Variants in NIN observed in about 807,000 individuals in gnomAD.
NIN encodes the protein glycogen synthase kinase 3 beta-interacting protein.
A neutral mutation model predicts 257.6 loss-of-function variants in NIN; 137 were observed. That is an observed-to-expected ratio of 0.53 (90% CI 0.46 to 0.61). NIN has a LOEUF of 0.61. Among genes scored for constraint, NIN ranks in the 20% least tolerant of loss-of-function variants. The pLI is 0.00. For synonymous variants in NIN, 918 were observed against 919.8 expected (o/e 1.00, Z 0.04); for missense variants, 2,439 against 2,501.2 (o/e 0.98, Z 0.53).
At chr14:50,806,192 T>C (rs533685924) in intron 4 of NIN, 1 of 152,368 alleles carries the variant, frequency 6.6e-6, no homozygotes, top group African/African-American at 2.4e-5. Context: ...TTTCGAAACA[T>C]TCATTGAATA....
intron 30 of NIN, among the ~76,000 whole-genome samples, chr14:50,725,322 T>C (rs558059180): frequency 2.8e-4 from 42 of 152,206 alleles, no homozygotes; most frequent in African/African-American, 8.7e-4. Context: ...GTCTCTTCAG[T>C]GGATGCGCAA....
intron 7 of NIN, among the ~76,000 whole-genome samples, chr14:50,773,882 A>G (rs1303909390): frequency 6.6e-6 from 1 of 152,184 alleles, no homozygotes; most frequent in Non-Finnish European, 1.5e-5. Context: ...CCCTAGCTCC[A>G]CAGAGGAATG....
chr14:50,740,802 TAA>T (rs966118504), intron 25 of NIN, among the ~76,000 whole-genome samples: 28 of 152,246 alleles, frequency 1.8e-4, no homozygotes, highest in Non-Finnish European at 3.4e-4. Context: ...AGTTTTTTTA[TAA>T]AAAGTTTCAC....
chr14:50,741,933 A>G, intron 24 of NIN: 1 of 502,560 alleles, frequency 2.0e-6, no homozygotes, highest in Non-Finnish European at 3.5e-6. Flanking sequence ...ACAATGATGA[A>G]CTATGTCTGG....
At chr14:50,825,650 A>G (rs908297673) in intron 2 of NIN, among the ~76,000 whole-genome samples, 2 of 152,238 alleles carry the variant, frequency 1.3e-5, no homozygotes, top group Non-Finnish European at 2.9e-5. Flanking sequence ...TTTGCACTCT[A>G]GTGTGACACT....
intron 10 of NIN, 38 bp downstream of exon 10, chr14:50,771,294 A>G: frequency 6.2e-7 from 1 of 1,606,422 alleles, no homozygotes; most frequent in Non-Finnish European, 8.5e-7. Flanking sequence ...GACAAGTAGG[A>G]AAGGGAATGG....
Position 50,738,304 on chromosome 14 carries a change from A to G in NIN, c.5629-18T>C, listed in dbSNP as rs377699120. On this transcript the variant is annotated intron_variant, in intron 26 of 30. Transcript: ENST00000530997. ...TGACGGACCTAACAGGAACAAATGT[A>G]AGAGGAAAAAATGCTAATACAATCA... is the stretch of plus-strand genomic sequence containing the variant. 887 of 1,606,414 alleles carry G rather than the reference A, an allele frequency of 5.5e-4. 5 individuals are homozygous for G. The South Asian group carries it at 7.0e-3, about 13-fold the overall frequency.
rs1396076184 is a variant in NIN, at chr14:50,760,098, T to G, written c.2158A>C (p.Arg720=). Residue 720 remains arginine, a synonymous_variant, in exon 17 of 31, where the codon AGG becomes CGG. Coordinates refer to ENST00000530997, the MANE Select transcript of NIN (RefSeq NM_020921.4). ...EEKTHLQEKL[R]LQHEMELKAR... ...TTGAGCTCCATCTCATGTTGCAGCC[T>G]CAGCTTCTCCTGCAGGTGAGTCTTT... is the stretch of plus-strand genomic sequence containing the variant. 1 of 1,614,210 alleles carries G rather than the reference T, an allele frequency of 6.2e-7. No homozygotes were observed. Among genetic ancestry groups the G allele is most frequent in the African/African-American group, 1.3e-5 (1 of 75,052 alleles).
chr14:50,771,191 A>G, intron 10 of NIN, 141 bp downstream of exon 10: 1 of 1,181,802 alleles, frequency 8.5e-7, no homozygotes, highest in Non-Finnish European at 1.2e-6. Flanking sequence ...CCTATACTTT[A>G]AGGAAGATGT....
chr14:50,765,085 AAAAAAAATT>A (rs1481298938), intron 14 of NIN, among the ~76,000 whole-genome samples: 1 of 146,164 alleles, frequency 6.8e-6, no homozygotes, highest in African/African-American at 2.6e-5. Context: ...AAAAAAAAAA[AAAAAAAATT>A]AGGCGTTTGG....
intron 4 of NIN, among the ~76,000 whole-genome samples, chr14:50,803,920 G>A (rs2142159870): frequency 7.3e-6 from 1 of 137,604 alleles, no homozygotes; most frequent in South Asian, 2.5e-4. Flanking sequence ...TTTTTGAGAT[G>A]GAGTCTCACT....
chr14:50,808,380 G>A (rs940593807), intron 3 of NIN, among the ~76,000 whole-genome samples: 4 of 152,134 alleles, frequency 2.6e-5, no homozygotes, highest in Admixed American at 6.5e-5. Flanking sequence ...GCCACTTGAC[G>A]GGCATCTGTG....
intron 29 of NIN, 79 bp from the exon 30 acceptor site, chr14:50,726,145 G>C (rs1394428775): frequency 1.8e-5 from 20 of 1,104,282 alleles, no homozygotes; most frequent in Non-Finnish European, 2.7e-5. Flanking sequence ...AAGATGCCTA[G>C]AGAAAGGACA....
At chr14:50,794,443 CA>C in intron 4 of NIN, 2 of 989,568 alleles carry the variant, frequency 2.0e-6, no homozygotes, top group South Asian at 9.4e-5. Flanking sequence ...TACCTTTTAT[CA>C]GAAGACAGTG....
chr14:50,723,734 T>C, intron 30 of NIN, 62 bp from the exon 31 acceptor site: 1 of 1,441,680 alleles, frequency 6.9e-7, no homozygotes, highest in Non-Finnish European at 9.7e-7. Flanking sequence ...ACCTTCAGTT[T>C]AAGGTCTGAC....
chr14:50,723,721 T>A, intron 30 of NIN, 49 bp from the exon 31 acceptor site: 1 of 1,535,250 alleles, frequency 6.5e-7, no homozygotes, highest in Non-Finnish European at 9.0e-7. Flanking sequence ...TAACTCTTCT[T>A]AAACCTTCAG....
chr14:50,728,418 T>A (rs2040521437), intron 29 of NIN, among the ~76,000 whole-genome samples: 1 of 152,148 alleles, frequency 6.6e-6, no homozygotes, highest in East Asian at 1.9e-4. Flanking sequence ...TAGGTACATA[T>A]GTAGAGGGAA....
chr14:50,827,591 CAAAAAAAA>C (rs11351454), intron 2 of NIN, among the ~76,000 whole-genome samples: 2 of 137,084 alleles, frequency 1.5e-5, no homozygotes, highest in African/African-American at 5.5e-5. Context: ...ACTAAAAATA[CAAAAAAAA>C]AAAAAAAAAT....
At chr14:50,769,808 T>C (rs2141781391) in intron 12 of NIN, among the ~76,000 whole-genome samples, 1 of 151,766 alleles carries the variant, frequency 6.6e-6, no homozygotes, top group African/African-American at 2.4e-5. Context: ...CTGAGCATAA[T>C]AACATGAGCC....
Sources: allele counts gnomAD v4.1 joint callset (sites outside exome capture counted in the v4.1 genomes callset), GRCh38; gene constraint gnomAD v4.1.1; transcripts MANE v1.5; gene names NCBI Gene and HGNC (gene_info 2026-07-23, HGNC 2026-07-21).